CAMK1D: variants seen among roughly 807,000 people sequenced by gnomAD.
The protein encoded by CAMK1D is calcium/calmodulin dependent protein kinase ID, also known as calcium/calmodulin-dependent protein kinase type 1D.
Under a neutral mutation model 47.7 loss-of-function variants are expected in CAMK1D, and 9 were observed. The observed-to-expected ratio is 0.19, with a 90% confidence interval of 0.11 to 0.33. CAMK1D has a LOEUF of 0.33. Ranked by LOEUF, CAMK1D falls within the 10% of genes least tolerant of loss-of-function variation. The pLI is 1.00. For synonymous variants in CAMK1D, 184 were observed against 184.9 expected (o/e 0.99, Z 0.04); for missense variants, 291 against 488.7 (o/e 0.60, Z 3.81).
intron 2 of CAMK1D, among the ~76,000 whole-genome samples, chr10:12,589,293 C>T (rs1190444564): frequency 2.0e-5 from 3 of 152,178 alleles, no homozygotes; most frequent in African/African-American, 4.8e-5. Context: ...GGATTACAGG[C>T]GTGAGCCACT....
At chr10:12,616,136 G>A (rs1838806752) in intron 2 of CAMK1D, among the ~76,000 whole-genome samples, 3 of 152,008 alleles carry the variant, frequency 2.0e-5, no homozygotes, top group African/African-American at 4.8e-5. Flanking sequence ...ATGTAGGTGT[G>A]TGTATAAATG....
intron 3 of CAMK1D, among the ~76,000 whole-genome samples, chr10:12,683,955 A>G (rs1832552672): frequency 6.6e-6 from 1 of 152,130 alleles, no homozygotes; most frequent in African/African-American, 2.4e-5. Context: ...GCATGAGTGC[A>G]CTCTGAAAAT....
intron 1 of CAMK1D, among the ~76,000 whole-genome samples, chr10:12,460,272 T>TC (rs1833384383): frequency 6.6e-6 from 1 of 151,632 alleles, no homozygotes; most frequent in Non-Finnish European, 1.5e-5. Flanking sequence ...TTTTTTTTTT[T>TC]TTTGAAGAGA....
chr10:12,375,930 A>C (rs1838163799), intron 1 of CAMK1D, among the ~76,000 whole-genome samples: 1 of 152,044 alleles, frequency 6.6e-6, no homozygotes, highest in Non-Finnish European at 1.5e-5. Flanking sequence ...TGGGAGGCTG[A>C]GGTGGGCAGA....
chr10:12,361,356 C>T (rs758481336), intron 1 of CAMK1D, among the ~76,000 whole-genome samples: 2 of 150,060 alleles, frequency 1.3e-5, no homozygotes, highest in South Asian at 2.1e-4. Context: ...AAGCTACTCT[C>T]GTGCCTCAGC....
intron 1 of CAMK1D, among the ~76,000 whole-genome samples, chr10:12,524,706 C>CA (rs113567619): frequency 0.022 from 3,091 of 142,470 alleles, 58 homozygotes; most frequent in South Asian, 0.07. Context: ...GACTCCATCT[C>CA]AAAAAAAAAA....
chr10:12,514,551 A>C (rs188197510), intron 1 of CAMK1D, among the ~76,000 whole-genome samples: 1 of 152,228 alleles, frequency 6.6e-6, no homozygotes, highest in Non-Finnish European at 1.5e-5. Flanking sequence ...TAAGGCCTAA[A>C]GTCAAGAAGT....
At chr10:12,543,468 G>A (rs1836264086) in intron 1 of CAMK1D, among the ~76,000 whole-genome samples, 1 of 152,210 alleles carries the variant, frequency 6.6e-6, no homozygotes, top group Non-Finnish European at 1.5e-5. Context: ...ATAATTGGTA[G>A]TGAGGAGGGA....
chr10:12,784,826 G>C (rs1837654014), intron 5 of CAMK1D, among the ~76,000 whole-genome samples: 1 of 152,194 alleles, frequency 6.6e-6, no homozygotes, highest in Non-Finnish European at 1.5e-5. Flanking sequence ...CAGAAATAAT[G>C]GTGTGTGGCG....
intron 6 of CAMK1D, among the ~76,000 whole-genome samples, chr10:12,809,404 A>G (rs1294288436): frequency 1.3e-5 from 2 of 152,244 alleles, no homozygotes; most frequent in Admixed American, 6.5e-5. Context: ...CAATTCCAAA[A>G]AAATGGAAAT....
intron 2 of CAMK1D, among the ~76,000 whole-genome samples, chr10:12,578,237 G>C (rs1162112908): frequency 6.6e-6 from 1 of 152,004 alleles, no homozygotes. Context: ...ACCTTGCCTG[G>C]CTAATTTTTT....
intron 4 of CAMK1D, among the ~76,000 whole-genome samples, chr10:12,765,221 G>T (rs975347377): frequency 4.6e-5 from 7 of 152,206 alleles, no homozygotes; most frequent in African/African-American, 1.7e-4. Flanking sequence ...GTTACTTGAG[G>T]TGAAGGATAG....
chr10:12,638,722 C>G (rs959185684), intron 2 of CAMK1D, among the ~76,000 whole-genome samples: 1 of 152,212 alleles, frequency 6.6e-6, no homozygotes, highest in African/African-American at 2.4e-5. Context: ...TGCTGCAGGG[C>G]TGGCCGATTG....
chr10:12,571,403 C>T lies in CAMK1D; in HGVS notation c.224+18047C>T, dbSNP rs556236034. Among the ~76,000 whole-genome samples the T allele has an allele frequency of 5.0e-5, 7 of 140,740 alleles. No homozygotes were observed. The South Asian group carries it at 1.1e-3, about 22-fold the overall frequency. The allele number at this position is 140,740 out of a possible 152,430, so 92.3% of individuals were successfully genotyped here. A position where few individuals can be genotyped will look rare whatever the true frequency, so the allele number is the denominator to read the frequency against. ...GGTGGAGGTTGCAGTGAGCTGAGAT[C>T]GCAACACTGCACTGCACTGCAGTCT... On this transcript the variant is annotated intron_variant, in intron 2 of 10. Coordinates refer to ENST00000619168, the MANE Select transcript of CAMK1D (RefSeq NM_153498.4).
At chr10:12,562,916 G>A (rs1328016664) in intron 2 of CAMK1D, among the ~76,000 whole-genome samples, 5 of 152,346 alleles carry the variant, frequency 3.3e-5, no homozygotes, top group East Asian at 1.9e-4. Context: ...AGGCAAAGAA[G>A]GTTTAGTGGA....
At chr10:12,510,289 ACCTGTAAT>A in intron 1 of CAMK1D, among the ~76,000 whole-genome samples, 1 of 152,300 alleles carries the variant, frequency 6.6e-6, no homozygotes, top group Non-Finnish European at 1.5e-5. Flanking sequence ...GGTGGCACAT[ACCTGTAAT>A]CCGAGTTACT....
intron 6 of CAMK1D, among the ~76,000 whole-genome samples, chr10:12,796,747 T>C (rs1382498912): frequency 2.0e-5 from 3 of 152,192 alleles, no homozygotes; most frequent in Non-Finnish European, 2.9e-5. Flanking sequence ...TCATGAGCTT[T>C]GTGAGGTGGG....
intron 2 of CAMK1D, among the ~76,000 whole-genome samples, chr10:12,554,770 C>T (rs1471729335): frequency 1.3e-5 from 2 of 152,010 alleles, no homozygotes; most frequent in Admixed American, 6.6e-5. Context: ...TCTTGAACTC[C>T]TGGCCTCAAG....
chr10:12,593,349 G>T lies in CAMK1D; in HGVS notation c.224+39993G>T, dbSNP rs1243336594. On this transcript the variant is annotated intron_variant, in intron 2 of 10. Coordinates refer to ENST00000619168, the MANE Select transcript of CAMK1D (RefSeq NM_153498.4). ...TCATGCCTGTAATCCCAGCACTTCG[G>T]GAGGCCAAGGCGGGTGGATCACTTG... Among the ~76,000 whole-genome samples, 4 of 152,276 alleles carry T rather than the reference G, an allele frequency of 2.6e-5. No homozygotes were observed. The East Asian group carries it at 5.8e-4, about 22-fold the overall frequency.
Sources: allele counts gnomAD v4.1 joint callset (sites outside exome capture counted in the v4.1 genomes callset), GRCh38; gene constraint gnomAD v4.1.1; transcripts MANE v1.5; gene names NCBI Gene and HGNC (gene_info 2026-07-23, HGNC 2026-07-21).